Variants in TFPI observed in about 807,000 individuals in gnomAD.
TFPI encodes the protein anti-convertin.
In TFPI, 15 loss-of-function variants were observed where a neutral mutation model predicts 34.6. The observed-to-expected ratio is 0.43, with a 90% CI of 0.29 to 0.67. TFPI has a LOEUF of 0.67. TFPI is among the 30% of genes least tolerant of loss of function. The probability of loss-of-function intolerance (pLI) is 0.15; values close to 1 mark genes in which losing one functional copy is unlikely to be tolerated. For synonymous variants in TFPI, 105 were observed against 120.1 expected (o/e 0.87, Z 0.82); for missense variants, 301 against 364.0 (o/e 0.83, Z 1.41).
At chr2:187,529,263 T>G (rs1687836823) in intron 1 of TFPI, 1 of 152,222 alleles carries the variant, frequency 6.6e-6, no homozygotes, top group Admixed American at 6.5e-5. Flanking sequence ...ATACAATTGA[T>G]TCTGTGAGTG....
rs888166612 is a variant in TFPI, at chr2:187,467,744, C to T, written c.808+9G>A. On this transcript the variant is annotated intron_variant, in intron 7 of 7. Transcript: ENST00000233156. ...ACTAGTCAATTAATGGGAAGAGTAT[C>T]TTCTATACCTTTTTTACATGCCCTC... is the stretch of plus-strand genomic sequence containing the variant. 6.3e-7 allele frequency: 1 copy of T among 1,588,896 alleles called. No individual in the cohort carries two copies. The highest frequency in any genetic ancestry group is 1.3e-5 in the African/African-American group (1 of 74,324).
At chr2:187,472,843 C>G (rs1441392588) in intron 6 of TFPI, among the ~76,000 whole-genome samples, 1 of 151,938 alleles carries the variant, frequency 6.6e-6, no homozygotes, top group African/African-American at 2.4e-5. Context: ...GAAACCCTGT[C>G]TCTACTAAGA....
intron 1 of TFPI, chr2:187,514,026 T>A (rs1204085869): frequency 4.6e-5 from 7 of 152,172 alleles, no homozygotes; most frequent in Non-Finnish European, 1.0e-4. Context: ...CAGTGCCAAC[T>A]AGGAGTCTTG....
chr2:187,487,020 A>G (rs1048040432), intron 4 of TFPI, among the ~76,000 whole-genome samples: 9 of 151,638 alleles, frequency 5.9e-5, no homozygotes, highest in Non-Finnish European at 1.3e-4. Flanking sequence ...TTTATTCTCT[A>G]ACTTTCATAT....
intron 1 of TFPI, among the ~76,000 whole-genome samples, chr2:187,541,337 G>A (rs569296169): frequency 6.6e-6 from 1 of 152,300 alleles, no homozygotes; most frequent in Non-Finnish European, 1.5e-5. Context: ...AGGCAAGTGA[G>A]GAAGAGAGAG....
chr2:187,527,845 A>C (rs1022909602), intron 1 of TFPI, among the ~76,000 whole-genome samples: 5 of 152,148 alleles, frequency 3.3e-5, no homozygotes, highest in African/African-American at 9.7e-5. Flanking sequence ...AGTGCTATGC[A>C]GGTACGTTGA....
At chr2:187,510,493 G>A (rs970343522) in intron 1 of TFPI, among the ~76,000 whole-genome samples, 4 of 152,146 alleles carry the variant, frequency 2.6e-5, no homozygotes, top group South Asian at 2.1e-4. Flanking sequence ...CTTCTACTAA[G>A]AGAGGAGACC....
Position 187,484,654 on chromosome 2 carries a change from TAA to T in TFPI, c.535+155_535+156del, listed in dbSNP as rs1053684013. On this transcript the variant is annotated intron_variant, in intron 5 of 7. Coordinates refer to ENST00000233156, the MANE Select transcript of TFPI (RefSeq NM_006287.6). ...TAATTTCTTAATTTTCTGTGCTTTT[TAA>T]AAAACTACAGTCACAAATCTCACAT... 1.0e-5 allele frequency: 6 copies of T among 602,444 alleles called. No homozygotes were observed. In the African/African-American group the frequency reaches 1.2e-4, roughly 12 times the overall value. The allele number at this position is 602,444 out of a possible 1,614,324, so 37.3% of individuals were successfully genotyped here.
intron 3 of TFPI, among the ~76,000 whole-genome samples, chr2:187,489,586 T>A (rs190787773): frequency 1.3e-5 from 2 of 151,644 alleles, no homozygotes; most frequent in African/African-American, 4.8e-5. Flanking sequence ...ATATAATGAG[T>A]ACATAAGACT....
chr2:187,489,862 C>T (rs1477391315), intron 3 of TFPI, among the ~76,000 whole-genome samples: 2 of 151,340 alleles, frequency 1.3e-5, no homozygotes, highest in African/African-American at 4.8e-5. Flanking sequence ...ATTTGTATGG[C>T]AATAGCAGTA....
intron 1 of TFPI, among the ~76,000 whole-genome samples, chr2:187,533,933 T>C (rs1688108714): frequency 6.6e-6 from 1 of 152,116 alleles, no homozygotes; most frequent in African/African-American, 2.4e-5. Context: ...CAAGTATCAA[T>C]AGCTGAATCA....
chr2:187,487,801 C>G (rs918893519), intron 4 of TFPI, among the ~76,000 whole-genome samples: 1 of 151,250 alleles, frequency 6.6e-6, no homozygotes, highest in African/African-American at 2.4e-5. Context: ...AATATCTCTA[C>G]TTACTTTTGC....
intron 1 of TFPI, among the ~76,000 whole-genome samples, chr2:187,550,975 A>G (rs1689075018): frequency 6.6e-6 from 1 of 152,082 alleles, no homozygotes; most frequent in Non-Finnish European, 1.5e-5. Context: ...GAGAAGAGAT[A>G]GACTAGGTTG....
intron 1 of TFPI, chr2:187,520,746 G>T (rs140459670): frequency 1.3e-5 from 2 of 151,922 alleles, no homozygotes; most frequent in South Asian, 4.2e-4. Context: ...TTGTCTCTCT[G>T]TATTAAATTA....
chr2:187,526,433 C>T (rs1258524255), intron 1 of TFPI, among the ~76,000 whole-genome samples: 3 of 151,532 alleles, frequency 2.0e-5, no homozygotes, highest in African/African-American at 7.3e-5. Context: ...GGAATAGCAA[C>T]AGATATTGAC....
At chr2:187,545,629 CTAAAG>C (rs1238543763) in intron 1 of TFPI, among the ~76,000 whole-genome samples, 5 of 151,980 alleles carry the variant, frequency 3.3e-5, no homozygotes, top group African/African-American at 9.7e-5. Context: ...TTTTTGTCAC[CTAAAG>C]TAAATTTCAG....
intron 1 of TFPI, among the ~76,000 whole-genome samples, chr2:187,509,199 A>G (rs903587902): frequency 6.6e-6 from 1 of 152,162 alleles, no homozygotes; most frequent in Non-Finnish European, 1.5e-5. Flanking sequence ...TTGGTTTGCC[A>G]GTATTTTCTT....
At chr2:187,503,492 CACACACACAT>C (rs1277048785) in intron 2 of TFPI, among the ~76,000 whole-genome samples, 146 bp downstream of exon 2, 2 of 151,642 alleles carry the variant, frequency 1.3e-5, no homozygotes, top group African/African-American at 2.4e-5. Context: ...CACACACACA[CACACACACAT>C]ACATTAGGTA....
At chr2:187,470,491 T>C (rs1171074147) in intron 6 of TFPI, among the ~76,000 whole-genome samples, 3 of 152,164 alleles carry the variant, frequency 2.0e-5, no homozygotes. Context: ...GCCTCTGTTA[T>C]CATAGACCAA....
Sources: gnomAD v4.1 joint callset for allele counts (sites outside exome capture counted in the v4.1 genomes callset) on GRCh38, gnomAD v4.1.1 for gene constraint, MANE v1.5 for transcripts, NCBI Gene and HGNC (gene_info 2026-07-23, HGNC 2026-07-21) for gene names.